The following ADGRG1 variants were observed in gnomAD, a reference collection of about 807,000 sequenced individuals.
The protein encoded by ADGRG1 is 7-transmembrane protein with no EGF-like N-terminal domains-1.
A neutral mutation model predicts 73.5 loss-of-function variants in ADGRG1; 53 were observed. That is an observed-to-expected ratio of 0.72 (90% CI 0.58 to 0.91). ADGRG1 has a LOEUF of 0.91. ADGRG1 is among the 40% of genes least tolerant of loss of function. The pLI, the probability that ADGRG1 is intolerant of heterozygous loss-of-function variation, is 0.00. For missense variants in ADGRG1, 795 were observed against 871.8 expected (o/e 0.91, Z 1.11); for synonymous variants, 394 against 374.4 (o/e 1.05, Z -0.60).
At chr16:57,648,496 G>A in intron 1 of ADGRG1, 1 of 969,818 alleles carries the variant, frequency 1.0e-6, no homozygotes, top group Non-Finnish European at 1.2e-6. Context: ...CCACATGGTG[G>A]GACGCAGGGA....
At chr16:57,632,868 C>T in intron 1 of ADGRG1, 2 of 985,374 alleles carry the variant, frequency 2.0e-6, no homozygotes, top group African/African-American at 1.7e-5. Flanking sequence ...CAAGAGCCAG[C>T]CCAACCCTGG....
In ADGRG1 at chr16:57,663,233, G is replaced by A. The variant is rs558268564; in HGVS notation, c.1934-219G>A. The A allele has an allele frequency of 5.0e-5, 41 of 818,728 alleles. No individual in the cohort carries two copies. The African/African-American group carries it at 6.8e-4, about 14-fold the overall frequency. The allele number at this position is 818,728 out of a possible 1,614,324, so 50.7% of individuals were successfully genotyped here. On this transcript the variant is annotated intron_variant, in intron 13 of 13. Coordinates refer to ENST00000562631, the MANE Select transcript of ADGRG1 (RefSeq NM_201525.4). ...AAAGAGAATAGTAATGAATAGGATG[G>A]GCCTAGGAAGTTTGTGACAGTGAGA...
At chr16:57,657,299 C>T (rs2045971266) in intron 9 of ADGRG1, 74 bp from the exon 10 acceptor site, 2 of 1,607,026 alleles carry the variant, frequency 1.2e-6, no homozygotes, top group South Asian at 2.2e-5. Context: ...CCCAGGTTAG[C>T]CCCTCACGCA....
In ADGRG1 at chr16:57,651,401, A is replaced by G. The variant is rs2044060548; in HGVS notation, c.266A>G (p.His89Arg). Residue 89 changes from histidine (H) to arginine (R), a missense_variant, in exon 3 of 14, where the codon CAC becomes CGC. Coordinates refer to ENST00000562631, the MANE Select transcript of ADGRG1 (RefSeq NM_201525.4). The part of the protein sequence containing the change: ...RSFPDPRGLY[H>R]FCLYWNRHAG... ...TTCCCTGACCCCAGGGGCCTCTACC[A>G]CTTCTGCCTCTACTGGAACCGACAT... is the stretch of plus-strand genomic sequence containing the variant. The G allele has an allele frequency of 6.2e-7, 1 of 1,614,028 alleles. No individual in the cohort carries two copies. Among genetic ancestry groups the G allele is most frequent in the Non-Finnish European group, 8.5e-7 (1 of 1,180,002 alleles).
intron 1 of ADGRG1, chr16:57,642,449 A>G (rs2041083949): frequency 8.1e-6 from 8 of 985,358 alleles, no homozygotes; most frequent in Non-Finnish European, 8.4e-6. Context: ...AGGTGCTGGC[A>G]GGCTTCTGTG....
Position 57,637,208 on chromosome 16 carries a change from G to A in ADGRG1, c.-36+8406G>A, listed in dbSNP as rs142217866. ...GCTGCTCCCTGAGCCTCAGTTCTCT[G>A]ACTTACAAAATGAGCTTCATCATTT... On this transcript the variant is annotated intron_variant, in intron 1 of 13. Transcript: ENST00000562631. 2.4e-3 allele frequency: 1,335 copies of A among 562,642 alleles called. 1 individual carries two copies. The highest frequency in any genetic ancestry group is 2.7e-3 in the Non-Finnish European group (1,220 of 443,636). The allele number at this position is 562,642 out of a possible 1,614,324, so 34.9% of individuals were successfully genotyped here. A position where few individuals can be genotyped will look rare whatever the true frequency, so the allele number is the denominator to read the frequency against.
At chr16:57,643,879 G>C in intron 1 of ADGRG1, 3 of 979,318 alleles carry the variant, frequency 3.1e-6, no homozygotes, top group Non-Finnish European at 3.6e-6. Context: ...CAGGACCCAT[G>C]GGTGCGGCTG....
upstream of ADGRG1, chr16:57,627,932 G>A (rs367638413): frequency 6.1e-5 from 59 of 973,100 alleles, no homozygotes; most frequent in East Asian, 1.1e-3. Flanking sequence ...CCCAGGCCTC[G>A]GTTTCCCCTT....
At chr16:57,634,180 G>A (rs1215146496) in intron 1 of ADGRG1, 1 of 985,320 alleles carries the variant, frequency 1.0e-6, no homozygotes, top group Non-Finnish European at 1.2e-6. Flanking sequence ...AGGCTGAGCA[G>A]CTGACCCCTT....
At chr16:57,644,454 A>G (rs1331489052) in intron 1 of ADGRG1, among the ~76,000 whole-genome samples, 1 of 146,868 alleles carries the variant, frequency 6.8e-6, no homozygotes, top group African/African-American at 2.6e-5. Flanking sequence ...ATGCACATGC[A>G]CACACTCATG....
rs139730624 is a variant in ADGRG1, at chr16:57,664,918, T to C, written c.*1336T>C. 2.0e-3 allele frequency: 312 copies of C among 153,714 alleles called. No individual in the cohort carries two copies. Among genetic ancestry groups the C allele is most frequent in the Non-Finnish European group, 3.6e-3 (243 of 68,040 alleles). 9.5% of individuals were successfully genotyped at this position (153,714 alleles called of 1,614,324 possible). On this transcript the variant is annotated 3_prime_UTR_variant, in exon 14 of 14. Coordinates refer to ENST00000562631, the MANE Select transcript of ADGRG1 (RefSeq NM_201525.4). ...GGATGTTCTTTTTACGTACCAATTC[T>C]TTTGTCTTTTGATATTAAAAAGAAG...
intron 1 of ADGRG1, chr16:57,643,543 C>T (rs1490179913): frequency 2.0e-6 from 2 of 984,218 alleles, no homozygotes; most frequent in Non-Finnish European, 2.4e-6. Context: ...GACAGTGAGG[C>T]CTGAGCTGGC....
intron 1 of ADGRG1, chr16:57,643,843 G>A: frequency 1.0e-6 from 1 of 980,198 alleles, no homozygotes; most frequent in Non-Finnish European, 1.2e-6. Context: ...GGAGGAGAGT[G>A]CTTCTGCCTT....
In ADGRG1 at chr16:57,660,895, T is replaced by G. The variant is rs2046928390; in HGVS notation, c.1664+19T>G. 7.1e-7 allele frequency: 1 copy of G among 1,408,644 alleles called. No homozygotes were observed. Among genetic ancestry groups the G allele is most frequent in the Non-Finnish European group, 1.0e-6 (1 of 993,988 alleles). 87.3% of individuals were successfully genotyped at this position (1,408,644 alleles called of 1,614,324 possible). On this transcript the variant is annotated intron_variant, in intron 12 of 13. Transcript: ENST00000562631. ...CTTCCATGTGAGTGGCTGTGTGCAA[T>G]GGGGGCAAGAAGGTGGGTCTCTGGG...
At position 57,657,405 on chromosome 16, in the gene ADGRG1, G is replaced by A. The variant is rs760911899; in HGVS notation, c.1200G>A (p.Lys400=). 37 of 1,613,994 alleles carry A rather than the reference G, an allele frequency of 2.3e-5. No homozygotes were observed. Among genetic ancestry groups the A allele is most frequent in the Middle Eastern group, 1.6e-4 (1 of 6,084 alleles). ...VSSVEVDAVH[K]HYLSLLSYVG... ...CGGTGGAGGTGGACGCCGTGCACAAGCACTACCTGAGCCTCCTCTCCTACG... is the reference window on the plus strand; with the variant it reads ...CGGTGGAGGTGGACGCCGTGCACAAACACTACCTGAGCCTCCTCTCCTACG... Residue 400 remains lysine (K), a synonymous_variant, in exon 10 of 14, where the codon AAG becomes AAA. Transcript: ENST00000562631.
At chr16:57,662,347 G>A (rs1421215244) in intron 13 of ADGRG1, among the ~76,000 whole-genome samples, 1 of 152,144 alleles carries the variant, frequency 6.6e-6, no homozygotes, top group African/African-American at 2.4e-5. Context: ...TAAGAAGGGT[G>A]GCCAGGGAGG....
chr16:57,660,313 G>A (rs2046774953), intron 11 of ADGRG1: 1 of 984,692 alleles, frequency 1.0e-6, no homozygotes. Flanking sequence ...AAATTCCTTT[G>A]GAGGTGTCTC....
intron 1 of ADGRG1, chr16:57,633,659 GT>G: frequency 3.9e-6 from 1 of 257,218 alleles, no homozygotes; most frequent in Non-Finnish European, 6.1e-6. Context: ...CATGAGGCTG[GT>G]AATGGCATCC....
chr16:57,653,330 C>A lies in ADGRG1; in HGVS notation c.615C>A (p.Ala205=). The change falls in exon 4 of 14, where the codon GCC becomes GCA. Residue 205 remains alanine, a synonymous_variant. Coordinates refer to ENST00000562631, the MANE Select transcript of ADGRG1 (RefSeq NM_201525.4). ...CAAGGAGGCCCTCGGCTGCCCCCGC[C>A]AGCCAGTAAGTTTGGCACCTGGGGC... ...KASRRPSAAP[A]SQQLQSLESK... 1 of 1,609,248 alleles carries A rather than the reference C, an allele frequency of 6.2e-7. No homozygotes were observed. The highest frequency in any genetic ancestry group is 8.5e-7 in the Non-Finnish European group (1 of 1,179,928).
Sources: allele counts gnomAD v4.1 joint callset (sites outside exome capture counted in the v4.1 genomes callset), GRCh38; gene constraint gnomAD v4.1.1; transcripts MANE v1.5; gene names NCBI Gene and HGNC (gene_info 2026-07-23, HGNC 2026-07-21).